Variants in CBFA2T2 observed in about 807,000 individuals in gnomAD.
The protein encoded by CBFA2T2 is protein CBFA2T2.
CBFA2T2 carries 11 observed loss-of-function variants against 62.2 expected under a neutral mutation model. The ratio of observed to expected loss-of-function variants is 0.18; its 90% CI spans 0.11 to 0.29. The LOEUF (loss-of-function observed/expected upper bound fraction) is 0.29. CBFA2T2 is among the 10% of genes least tolerant of loss of function. The pLI is 1.00. For missense variants in CBFA2T2, 592 were observed against 774.1 expected (o/e 0.76, Z 2.79); for synonymous variants, 295 against 287.5 (o/e 1.03, Z -0.27).
At chr20:33,636,748 A>G in intron 9 of CBFA2T2, 40 bp downstream of exon 9, 1 of 1,449,466 alleles carries the variant, frequency 6.9e-7, no homozygotes. Context: ...ATACTCACTA[A>G]TTTGTGGGAG....
In CBFA2T2 at chr20:33,643,226, G is replaced by A. The variant is rs192382510; in HGVS notation, c.1489-1121G>A. Among the ~76,000 whole-genome samples, 5 of 152,300 alleles carry A rather than the reference G, an allele frequency of 3.3e-5. No homozygotes were observed. In the East Asian group the frequency reaches 5.8e-4, roughly 18 times the overall value. On this transcript the variant is annotated intron_variant, in intron 10 of 10. Transcript: ENST00000342704. ...CTCATACTGGCAGTATACCCTTAAA[G>A]GAGTCAGTCTCCATCTCTGTTCAAT... is the stretch of plus-strand genomic sequence containing the variant.
At chr20:33,514,215 T>G (rs1221942720) in intron 1 of CBFA2T2, among the ~76,000 whole-genome samples, 21 of 127,334 alleles carry the variant, frequency 1.6e-4, no homozygotes, top group African/African-American at 5.7e-4. Context: ...TGTTTTTTTT[T>G]TTTTTTTTTT....
At chr20:33,639,038 A>G (rs2016727309) in intron 9 of CBFA2T2, 1 of 152,198 alleles carries the variant, frequency 6.6e-6, no homozygotes, top group African/African-American at 2.4e-5. Flanking sequence ...ACTTGCCTCC[A>G]CACTAGCTTT....
chr20:33,617,593 A>C (rs958655651), intron 3 of CBFA2T2, among the ~76,000 whole-genome samples: 4 of 152,124 alleles, frequency 2.6e-5, no homozygotes, highest in Non-Finnish European at 4.4e-5. Context: ...CCTTCCATAC[A>C]TTTAATCTAT....
At chr20:33,567,136 T>C (rs572785958) in intron 1 of CBFA2T2, among the ~76,000 whole-genome samples, 3 of 152,336 alleles carry the variant, frequency 2.0e-5, no homozygotes, top group African/African-American at 7.2e-5. Context: ...CATTTGACTT[T>C]TGAGAACTAT....
chr20:33,564,912 G>GTTTTCTTTTC (rs566454470), intron 1 of CBFA2T2, among the ~76,000 whole-genome samples: 1 of 151,804 alleles, frequency 6.6e-6, no homozygotes, highest in African/African-American at 2.4e-5. Flanking sequence ...CTTTTCCCAA[G>GTTTTCTTTTC]TTTTCTTTTC....
chr20:33,626,019 G>T (rs531298061), intron 6 of CBFA2T2, among the ~76,000 whole-genome samples: 3 of 152,210 alleles, frequency 2.0e-5, no homozygotes, highest in East Asian at 3.9e-4. Flanking sequence ...GGAGAATGGC[G>T]TGAACCCAGA....
At chr20:33,554,589 CTT>C (rs1290014978) in intron 1 of CBFA2T2, among the ~76,000 whole-genome samples, 1 of 125,078 alleles carries the variant, frequency 8.0e-6, no homozygotes, top group Non-Finnish European at 1.7e-5. Flanking sequence ...TTTCCTTTTC[CTT>C]TTTCTTTTCT....
intron 1 of CBFA2T2, among the ~76,000 whole-genome samples, chr20:33,584,257 G>T (rs144498282): frequency 6.8e-6 from 1 of 146,432 alleles, no homozygotes; most frequent in African/African-American, 2.5e-5. Flanking sequence ...CAGATTAAGT[G>T]ACTTTTTTTT....
chr20:33,554,255 C>T (rs190925639), intron 1 of CBFA2T2, among the ~76,000 whole-genome samples: 2,660 of 131,884 alleles, frequency 0.02, 31 homozygotes, highest in Non-Finnish European at 0.027. Flanking sequence ...TTACTTTTTT[C>T]TTTTTTTTTT....
At chr20:33,548,474 C>A (rs1189047875) in intron 1 of CBFA2T2, among the ~76,000 whole-genome samples, 1 of 151,426 alleles carries the variant, frequency 6.6e-6, no homozygotes, top group Non-Finnish European at 1.5e-5. Context: ...GAACTCCTGA[C>A]CTCAGGTGAT....
chr20:33,643,701 G>A (rs2016931652), intron 10 of CBFA2T2, among the ~76,000 whole-genome samples: 2 of 142,352 alleles, frequency 1.4e-5, no homozygotes, highest in Non-Finnish European at 3.1e-5. Flanking sequence ...CAGATCACTT[G>A]AGCCCAGGAG....
intron 1 of CBFA2T2, among the ~76,000 whole-genome samples, chr20:33,586,078 A>T (rs1257192919): frequency 6.6e-6 from 1 of 152,224 alleles, no homozygotes; most frequent in Non-Finnish European, 1.5e-5. Context: ...TTAATGTGTT[A>T]TGGTAATTTA....
intron 1 of CBFA2T2, among the ~76,000 whole-genome samples, chr20:33,520,825 G>C (rs904991142): frequency 6.6e-6 from 1 of 151,684 alleles, no homozygotes; most frequent in African/African-American, 2.4e-5. Flanking sequence ...ACTAACTCGT[G>C]GACTATGGCA....
intron 1 of CBFA2T2, among the ~76,000 whole-genome samples, chr20:33,517,699 T>G (rs1200574196): frequency 6.6e-6 from 1 of 151,578 alleles, no homozygotes; most frequent in Non-Finnish European, 1.5e-5. Flanking sequence ...CTTTTTTTTT[T>G]TTTTTGAAGA....
At chr20:33,535,903 T>A (rs1314965393) in intron 1 of CBFA2T2, among the ~76,000 whole-genome samples, 1 of 152,166 alleles carries the variant, frequency 6.6e-6, no homozygotes, top group East Asian at 1.9e-4. Flanking sequence ...AGCATCTGTT[T>A]AACGAAGCAC....
rs535829347 is a variant in CBFA2T2 at position 33,636,037 on chromosome 20, G to C, written c.1229-603G>C. ...TTTTATTTTGAAATTTCCGAAACAC[G>C]TAGAAATTTTGAAAGAGACCACCCT... On this transcript the variant is annotated intron_variant, in intron 8 of 10. Transcript: ENST00000342704. 2.6e-5 allele frequency among the ~76,000 whole-genome samples: 4 copies of C among 152,010 alleles called. No homozygotes were observed. The South Asian group carries it at 8.3e-4, about 32-fold the overall frequency.
chr20:33,553,731 T>C (rs1383759526), intron 1 of CBFA2T2, among the ~76,000 whole-genome samples: 3 of 152,226 alleles, frequency 2.0e-5, no homozygotes, highest in Non-Finnish European at 4.4e-5. Flanking sequence ...ACTTCTACTA[T>C]AAATCATCAT....
intron 1 of CBFA2T2, among the ~76,000 whole-genome samples, chr20:33,553,134 T>C (rs1386456364): frequency 6.6e-6 from 1 of 152,256 alleles, no homozygotes; most frequent in East Asian, 1.9e-4. Context: ...TTTTCTTTAC[T>C]GTGTCTCCTG....
Sources: gnomAD v4.1 joint callset for allele counts (sites outside exome capture counted in the v4.1 genomes callset) on GRCh38, gnomAD v4.1.1 for gene constraint, MANE v1.5 for transcripts, NCBI Gene and HGNC (gene_info 2026-07-23, HGNC 2026-07-21) for gene names.